The following DTX3L variants were observed in gnomAD, a reference collection of about 807,000 sequenced individuals.
DTX3L encodes E3 ubiquitin-protein ligase DTX3L.
DTX3L carries 34 observed loss-of-function variants against 60.9 expected under a neutral mutation model. The ratio of observed to expected loss-of-function variants is 0.56; its 90% CI spans 0.42 to 0.74. The LOEUF (loss-of-function observed/expected upper bound fraction) is 0.74, where lower values mean the gene tolerates loss of function less well. Among genes scored for constraint, DTX3L ranks in the 30% least tolerant of loss-of-function variants. The pLI, the probability that DTX3L is intolerant of heterozygous loss-of-function variation, is 0.00. For missense variants in DTX3L, 810 were observed against 874.0 expected, an observed-to-expected ratio of 0.93 and a Z score of 0.92; for synonymous variants, 290 against 316.6, an observed-to-expected ratio of 0.92 and a Z score of 0.89.
Position 122,564,633 on chromosome 3 carries a change from G to T in DTX3L, c.187+20G>T. The T allele has an allele frequency of 6.3e-7, 1 of 1,578,262 alleles. No individual in the cohort carries two copies. The highest frequency in any genetic ancestry group is 8.6e-7 in the Non-Finnish European group (1 of 1,164,840). On this transcript the variant is annotated intron_variant, in intron 1 of 4. Coordinates refer to ENST00000296161, the MANE Select transcript of DTX3L (RefSeq NM_138287.3). ...GGGCAGGTGAGCTTCGGGCGGCCAG[G>T]CTGCGAAAGCCCTCTGGGGGCCCGG... is the stretch of plus-strand genomic sequence containing the variant.
chr3:122,568,098 T>C (rs2080603707), intron 2 of DTX3L, among the ~76,000 whole-genome samples: 3 of 152,092 alleles, frequency 2.0e-5, no homozygotes, highest in Non-Finnish European at 2.9e-5. Context: ...TCACCTGAGG[T>C]CAGGAGTTCC....
At chr3:122,571,651 A>C (rs567162438) in intron 4 of DTX3L, 27 bp from the exon 5 acceptor site, 1 of 1,584,540 alleles carries the variant, frequency 6.3e-7, no homozygotes, top group Non-Finnish European at 8.6e-7. Context: ...ATTTGTGGTG[A>C]CACTAAAGGA....
Position 122,570,636 on chromosome 3 carries a change from T to C in DTX3L, c.2117T>C (p.Ile706Thr), listed in dbSNP as rs771248535. 1.9e-6 allele frequency: 3 copies of C among 1,614,184 alleles called. No individual in the cohort carries two copies. In the South Asian group the frequency reaches 3.3e-5, roughly 18 times the overall value. The change falls in exon 4 of 5, where the codon ATT becomes ACT. Residue 706 changes from isoleucine (I) to threonine (T), a missense_variant. By Grantham distance (89) the Ile-to-Thr change is moderately conservative (BLOSUM62 -1). Coordinates refer to ENST00000296161, the MANE Select transcript of DTX3L (RefSeq NM_138287.3). ...GVSDVITWND[I>T]HHKTSRFGGP... ...TCAGATGTCATCACTTGGAATGATA[T>C]TCACCACAAAACATCCCGGTTTGGA...
chr3:122,564,719 A>G, intron 1 of DTX3L, 106 bp downstream of exon 1: 1 of 1,371,490 alleles, frequency 7.3e-7, no homozygotes, highest in Non-Finnish European at 9.8e-7. Flanking sequence ...GGGAGAAAGT[A>G]TGTCACTGTG....
chr3:122,566,406 G>A (rs909196006), intron 2 of DTX3L, among the ~76,000 whole-genome samples: 4 of 151,976 alleles, frequency 2.6e-5, no homozygotes, highest in Non-Finnish European at 4.4e-5. Flanking sequence ...TCACTTTATC[G>A]CCCAGGCTGG....
At position 122,565,929 on chromosome 3, in the gene DTX3L, G is replaced by GAAATTCA. The variant is rs2080578081; in HGVS notation, c.258_259insAAATTCA (p.Val87LysfsTer6). 1 of 1,613,956 alleles carries GAAATTCA rather than the reference G, an allele frequency of 6.2e-7. No homozygotes were observed. Among genetic ancestry groups the GAAATTCA allele is most frequent in the Non-Finnish European group, 8.5e-7 (1 of 1,180,036 alleles). ...ACGAAAAACCTGTGCCCATTTTCCT[G>GAAATTCA]GTACCCACTGAAAATTCAATAAAGA... On this transcript the variant is annotated frameshift_variant, in exon 2 of 5. Transcript: ENST00000296161. LOFTEE classifies it high-confidence loss of function.
intron 4 of DTX3L, among the ~76,000 whole-genome samples, chr3:122,571,464 G>C (rs745860390): frequency 8.5e-5 from 13 of 152,228 alleles, no homozygotes; most frequent in Non-Finnish European, 1.0e-4. Flanking sequence ...GTAGAAGCCA[G>C]CTTGAAAGGC....
At position 122,570,580 on chromosome 3, in the gene DTX3L, T is replaced by C. The variant is rs2080638248; in HGVS notation, c.2061T>C (p.Phe687=). Residue 687 remains phenylalanine, a synonymous_variant, in exon 4 of 5, where the codon TTT becomes TTC. Transcript: ENST00000296161. ...GGGCCTTTGACCAAAAGCTGATTTTTACAGTGGGGTACTCTCGCGTATTAG... is the reference window on the plus strand; with the variant it reads ...GGGCCTTTGACCAAAAGCTGATTTTCACAGTGGGGTACTCTCGCGTATTAG... ...LYRAFDQKLI[F]TVGYSRVLGV... 3.7e-6 allele frequency: 6 copies of C among 1,614,156 alleles called. No individual in the cohort carries two copies. Among genetic ancestry groups the C allele is most frequent in the Non-Finnish European group, 5.1e-6 (6 of 1,180,018 alleles).
chr3:122,570,775 T>C (rs2080639744), intron 4 of DTX3L, 103 bp downstream of exon 4: 29 of 1,250,734 alleles, frequency 2.3e-5, no homozygotes, highest in Non-Finnish European at 3.3e-5. Flanking sequence ...AGCAGTGGAA[T>C]TGGTGTTTTG....
Position 122,573,655 on chromosome 3 carries a change from C to T in DTX3L, c.*1908C>T, listed in dbSNP as rs1414457061. ...GTTTCTTATTCTAGAACACTTGGAG[C>T]CTGAACTCTGACCAGGCCCCTCACT... On this transcript the variant is annotated 3_prime_UTR_variant, in exon 5 of 5. Coordinates refer to ENST00000296161, the MANE Select transcript of DTX3L (RefSeq NM_138287.3). 6.6e-6 allele frequency: 1 copy of T among 152,238 alleles called. No individual in the cohort carries two copies. The highest frequency in any genetic ancestry group is 1.5e-5 in the Non-Finnish European group (1 of 68,076). The allele number at this position is 152,238 out of a possible 1,614,324, so 9.4% of individuals were successfully genotyped here.
intron 4 of DTX3L, among the ~76,000 whole-genome samples, chr3:122,571,215 A>C (rs913586229): frequency 6.6e-6 from 1 of 152,078 alleles, no homozygotes; most frequent in Non-Finnish European, 1.5e-5. Context: ...ACTTTTCCAA[A>C]ACCTTAAATT....
rs2080505830 is a variant in DTX3L, at chr3:122,564,403, C to G, written c.-24C>G. 1.9e-6 allele frequency: 3 copies of G among 1,594,346 alleles called. No homozygotes were observed. The highest frequency in any genetic ancestry group is 1.3e-5 in the African/African-American group (1 of 74,084). On this transcript the variant is annotated 5_prime_UTR_variant, in exon 1 of 5. Coordinates refer to ENST00000296161, the MANE Select transcript of DTX3L (RefSeq NM_138287.3). ...CCGCCCAGCTGCCTCCCGGAGCCCC[C>G]GCGCCCTCCCGACGCGCAGAGCCAT...
At position 122,571,881 on chromosome 3, in the gene DTX3L, A is replaced by G. The variant is rs1417417152; in HGVS notation, c.*134A>G. The G allele has an allele frequency of 4.3e-6, 3 of 690,550 alleles. No homozygotes were observed. The African/African-American group carries it at 5.4e-5, about 12-fold the overall frequency. The allele number at this position is 690,550 out of a possible 1,614,324, so 42.8% of individuals were successfully genotyped here. A position where few individuals can be genotyped will look rare whatever the true frequency, so the allele number is the denominator to read the frequency against. On this transcript the variant is annotated 3_prime_UTR_variant, in exon 5 of 5. Transcript: ENST00000296161. ...TTCTCAAGAAATGGTTTGTATAAGA[A>G]TAACAATCTGCTAGTCTGTCATTTC...
Position 122,569,771 on chromosome 3 carries a change from G to A in DTX3L, c.1682G>A (p.Cys561Tyr), listed in dbSNP as rs763350132. The A allele has an allele frequency of 3.1e-6, 5 of 1,614,160 alleles. No individual in the cohort carries two copies. The highest frequency in any genetic ancestry group is 4.2e-6 in the Non-Finnish European group (5 of 1,180,040). The change falls in exon 3 of 5, where the codon TGT becomes TAT. Residue 561 changes from cysteine to tyrosine, a missense_variant. Physicochemically the swap from Cys to Tyr is radical, Grantham distance 194 (BLOSUM62 -2). Transcript: ENST00000296161. The part of the protein sequence containing the change: ...SELDKKEKGI[C>Y]VICMDTISNK... ...CTGGACAAGAAGGAAAAGGGCATCT[G>A]TGTCATCTGTATGGACACCATTAGT...
rs376434730 is a variant in DTX3L at position 122,569,107 on chromosome 3, G to A, written c.1018G>A (p.Glu340Lys). Residue 340 changes from glutamate (E) to lysine (K), a missense_variant, in exon 3 of 5, where the codon GAA becomes AAA. Transcript: ENST00000296161. ...GCTCCTTATAAAGGAGAAAGGAGGC[G>A]AATTAACTCTCCTTGGGACCCAAGA... The part of the protein sequence containing the change: ...TKLLIKEKGG[E>K]LTLLGTQDDI... 1.4e-5 allele frequency: 23 copies of A among 1,613,982 alleles called. No homozygotes were observed. Among genetic ancestry groups the A allele is most frequent in the Middle Eastern group, 3.3e-4 (2 of 6,084 alleles).
intron 3 of DTX3L, 134 bp downstream of exon 3, chr3:122,570,158 A>G (rs55797836): frequency 0.16 from 150,154 of 963,684 alleles, 12,859 homozygotes; most frequent in Middle Eastern, 0.27. Flanking sequence ...AGGGACTGAA[A>G]TAGTGGTAAA....
rs1489023209 is a variant in DTX3L, at chr3:122,569,604, T to C, written c.1515T>C (p.Tyr505=). The C allele has an allele frequency of 4.3e-6, 7 of 1,614,170 alleles. No individual in the cohort carries two copies. Among genetic ancestry groups the C allele is most frequent in the South Asian group, 1.1e-5 (1 of 91,084 alleles). Residue 505 remains tyrosine (Y), a synonymous_variant, in exon 3 of 5, where the codon TAT becomes TAC. Coordinates refer to ENST00000296161, the MANE Select transcript of DTX3L (RefSeq NM_138287.3). The stretch of plus-strand genomic sequence containing the variant: ...ATCACCTTGCAAAGGCGAAGCAGTA[T>C]GTTCTAAAAGGAGGAGGAATGTCTT... The part of the protein sequence containing the change: ...LPNHLAKAKQ[Y]VLKGGGMSSL...
intron 2 of DTX3L, 63 bp downstream of exon 2, chr3:122,566,133 A>G: frequency 2.1e-6 from 3 of 1,459,678 alleles, no homozygotes; most frequent in Non-Finnish European, 2.9e-6. Context: ...AGCCTCATGT[A>G]TTATTGATCC....
At position 122,566,053 on chromosome 3, in the gene DTX3L, G is replaced by T; in HGVS notation, c.382G>T (p.Asp128Tyr). Reference protein sequence around the residue: ...QHEGHIPNAVDSCLQKIFLTV... With the variant: ...QHEGHIPNAVYSCLQKIFLTV... ...TGAAGGACATATTCCTAATGCTGTG[G>T]ATTCCTGTCTCCAAAAGGTGAGTAT... The change falls in exon 2 of 5, where the codon GAT (aspartate) becomes TAT (tyrosine). Residue 128 changes from aspartate to tyrosine, a missense_variant. Coordinates refer to ENST00000296161, the MANE Select transcript of DTX3L (RefSeq NM_138287.3). The T allele has an allele frequency of 6.2e-7, 1 of 1,614,144 alleles. No homozygotes were observed. The highest frequency in any genetic ancestry group is 1.1e-5 in the South Asian group (1 of 91,072).
Sources: gnomAD v4.1 joint callset for allele counts (sites outside exome capture counted in the v4.1 genomes callset) on GRCh38, gnomAD v4.1.1 for gene constraint, MANE v1.5 for transcripts, NCBI Gene and HGNC (gene_info 2026-07-23, HGNC 2026-07-21) for gene names.